TFDP1: variants seen among roughly 807,000 people sequenced by gnomAD.
The protein encoded by TFDP1 is DRTF1-polypeptide 1.
In TFDP1, 6 loss-of-function variants were observed where a neutral mutation model predicts 48.0. That is an observed-to-expected ratio of 0.13 (90% CI 0.07 to 0.25). TFDP1 has a LOEUF of 0.25. Ranked by LOEUF, TFDP1 falls within the 10% of genes least tolerant of loss-of-function variation. TFDP1 has a pLI of 1.00. For synonymous variants in TFDP1, 201 were observed against 211.6 expected, an observed-to-expected ratio of 0.95 and a Z score of 0.44; for missense variants, 335 against 543.0, an observed-to-expected ratio of 0.62 and a Z score of 3.81.
At chr13:113,635,075 G>GT (rs1340069351) in intron 8 of TFDP1, among the ~76,000 whole-genome samples, 1 of 152,234 alleles carries the variant, frequency 6.6e-6, no homozygotes, top group African/African-American at 2.4e-5. Context: ...GGCAAGGCCT[G>GT]TAAAACTGTG....
chr13:113,606,886 C>A (rs544669571), intron 2 of TFDP1, among the ~76,000 whole-genome samples: 4 of 148,100 alleles, frequency 2.7e-5, no homozygotes, highest in African/African-American at 1.1e-4. Context: ...AGGAACCCAC[C>A]GTGTGGTTTC....
rs561291528 is a variant in TFDP1, at chr13:113,598,604, G to A, written c.13-12392G>A. On this transcript the variant is annotated intron_variant, in intron 2 of 11. Transcript: ENST00000375370. This position sits in a 1 kb window ranked among gnomAD's most constrained non-coding sequence, Gnocchi z 4.2. ...CCATTGTGTATGAACTTACCTCCTCGCTCTTCAGCTTCCCCTGCCTGATGG... is the reference window on the plus strand; with the variant it reads ...CCATTGTGTATGAACTTACCTCCTCACTCTTCAGCTTCCCCTGCCTGATGG... Among the ~76,000 whole-genome samples, 70 of 152,266 alleles carry A rather than the reference G, an allele frequency of 4.6e-4. No homozygotes were observed. The highest frequency in any genetic ancestry group is 8.5e-4 in the Admixed American group (13 of 15,304).
At chr13:113,631,172 A>G (rs2049325683) in intron 4 of TFDP1, among the ~76,000 whole-genome samples, 1 of 152,238 alleles carries the variant, frequency 6.6e-6, no homozygotes, top group African/African-American at 2.4e-5. Flanking sequence ...GTACCACAGA[A>G]GGATACAATT....
At chr13:113,592,109 T>G (rs534783862) in intron 2 of TFDP1, among the ~76,000 whole-genome samples, 19 of 152,372 alleles carry the variant, frequency 1.2e-4, no homozygotes, top group African/African-American at 4.3e-4. Flanking sequence ...GACTCAAGGA[T>G]GAAGAGTTAT....
intron 2 of TFDP1, among the ~76,000 whole-genome samples, chr13:113,599,739 C>T (rs112825675): frequency 8.5e-5 from 13 of 152,234 alleles, no homozygotes; most frequent in African/African-American, 2.4e-4. Context: ...CCTGACCTCC[C>T]GCTTCCACAT....
intron 2 of TFDP1, among the ~76,000 whole-genome samples, chr13:113,587,355 G>A (rs2048030708): frequency 6.6e-6 from 1 of 152,154 alleles, no homozygotes; most frequent in Non-Finnish European, 1.5e-5. Context: ...TTGGCGCTGG[G>A]AGGAGAGTAG....
rs565424008 is a variant in TFDP1 at position 113,629,223 on chromosome 13, G to A, written c.187-2400G>A. Among the ~76,000 whole-genome samples, 413 of 152,330 alleles carry A rather than the reference G, an allele frequency of 2.7e-3. 1 individual carries two copies. Among genetic ancestry groups the A allele is most frequent in the African/African-American group, 9.5e-3 (395 of 41,560 alleles). On this transcript the variant is annotated intron_variant, in intron 4 of 11. Coordinates refer to ENST00000375370, the MANE Select transcript of TFDP1 (RefSeq NM_007111.5). ...CACTGCATGGGCCGGATGCCGCGGG[G>A]CCTTCCGCAGGGAGCAGTTAAAGCA...
intron 4 of TFDP1, among the ~76,000 whole-genome samples, chr13:113,625,611 C>A (rs200527556): frequency 3.3e-5 from 1 of 30,590 alleles, no homozygotes; most frequent in African/African-American, 4.6e-4. Flanking sequence ...TGTCTTCAGG[C>A]GTCTCTCACG....
rs192995935 is a variant in TFDP1, at chr13:113,607,153, C to T, written c.13-3843C>T. Among the ~76,000 whole-genome samples the T allele has an allele frequency of 6.6e-6, 1 of 152,368 alleles. No homozygotes were observed. Among genetic ancestry groups the T allele is most frequent in the East Asian group, 1.9e-4 (1 of 5,186 alleles). On this transcript the variant is annotated intron_variant, in intron 2 of 11. Transcript: ENST00000375370. This position sits in a 1 kb window ranked among gnomAD's most constrained non-coding sequence, Gnocchi z 5.2. ...TGCCGCCAAACACCCTGCAGGGAGG[C>T]TGGCCCCTGACAGAGCCGTGCAGGC...
At chr13:113,637,508 T>G in intron 10 of TFDP1, 1 of 1,121,458 alleles carries the variant, frequency 8.9e-7, no homozygotes, top group Non-Finnish European at 1.2e-6. Context: ...GCTTGACACT[T>G]TGATTCGGTT....
At position 113,616,745 on chromosome 13, in the gene TFDP1, T is replaced by C. The variant is rs4150745; in HGVS notation, c.79+5683T>C. 6.7e-3 allele frequency among the ~76,000 whole-genome samples: 1,023 copies of C among 152,302 alleles called. 40 individuals carry two copies. In the East Asian group the frequency reaches 0.12, roughly 17 times the overall value. On this transcript the variant is annotated intron_variant, in intron 3 of 11. Transcript: ENST00000375370. Reference sequence around the variant, plus strand: ...TCGTGACCGTCGCCTGTGAACTAACTGTGCCCCTTGCCCCCCGACACACGC... The same window carrying C: ...TCGTGACCGTCGCCTGTGAACTAACCGTGCCCCTTGCCCCCCGACACACGC...
intron 4 of TFDP1, among the ~76,000 whole-genome samples, chr13:113,628,030 C>T (rs1370637274): frequency 1.3e-5 from 2 of 152,292 alleles, no homozygotes; most frequent in South Asian, 4.1e-4. Flanking sequence ...TGTTTTCTAA[C>T]GACTGCTGGC....
rs9549813 is a variant in TFDP1 at position 113,591,140 on chromosome 13, G to A, written c.12+5291G>A. 7.3e-4 allele frequency among the ~76,000 whole-genome samples: 111 copies of A among 151,498 alleles called. 1 individual carries two copies. The highest frequency in any genetic ancestry group is 1.4e-3 in the Non-Finnish European group (93 of 67,896). On this transcript the variant is annotated intron_variant, in intron 2 of 11. Transcript: ENST00000375370. ...GTGGATCACCTGAGGTCAGGAGTTC[G>A]AGACCAGTCTGGCCAACATGGCAAA... is the stretch of plus-strand genomic sequence containing the variant.
intron 8 of TFDP1, among the ~76,000 whole-genome samples, chr13:113,634,920 T>C (rs1373209235): frequency 6.6e-6 from 1 of 152,022 alleles, no homozygotes; most frequent in African/African-American, 2.4e-5. Context: ...TGCGTGTGTG[T>C]GTGTGCATGT....
At chr13:113,588,866 A>T (rs1315205495) in intron 2 of TFDP1, among the ~76,000 whole-genome samples, 1 of 146,802 alleles carries the variant, frequency 6.8e-6, no homozygotes, top group Non-Finnish European at 1.5e-5. Flanking sequence ...GGGGAGAGAG[A>T]GTGGTGATGG....
intron 2 of TFDP1, among the ~76,000 whole-genome samples, chr13:113,590,067 G>A (rs538183518): frequency 6.6e-6 from 1 of 152,328 alleles, no homozygotes; most frequent in South Asian, 2.1e-4. Flanking sequence ...GGTCCCGTTC[G>A]CCTCTCCAAG....
intron 2 of TFDP1, among the ~76,000 whole-genome samples, chr13:113,597,344 G>A (rs2048311151): frequency 6.6e-6 from 1 of 152,254 alleles, no homozygotes; most frequent in African/African-American, 2.4e-5. Context: ...ATACTCGGGC[G>A]AGGGCTATGG....
chr13:113,618,900 T>C (rs2048926523), intron 3 of TFDP1, among the ~76,000 whole-genome samples: 1 of 152,250 alleles, frequency 6.6e-6, no homozygotes, highest in Non-Finnish European at 1.5e-5. Context: ...TATTTGTCTG[T>C]GTTTCAGACG....
intron 3 of TFDP1, among the ~76,000 whole-genome samples, chr13:113,618,148 C>G (rs948766306): frequency 2.0e-5 from 3 of 152,234 alleles, no homozygotes; most frequent in Admixed American, 6.5e-5. Flanking sequence ...TAGCCCTCCT[C>G]CCTCCCATGC....
Sources: allele counts gnomAD v4.1 joint callset (sites outside exome capture counted in the v4.1 genomes callset), GRCh38; gene constraint gnomAD v4.1.1; non-coding constraint Gnocchi (gnomAD v3.1); transcripts MANE v1.5; gene names NCBI Gene and HGNC (gene_info 2026-07-23, HGNC 2026-07-21).